CTBP2: variants seen among roughly 807,000 people sequenced by gnomAD.
CTBP2 encodes C-terminal-binding protein 2.
Under a neutral mutation model 80.3 loss-of-function variants are expected in CTBP2, and 30 were observed. The ratio of observed to expected loss-of-function variants is 0.37; its 90% confidence interval spans 0.28 to 0.51. CTBP2 has a LOEUF of 0.51. Among genes scored for constraint, CTBP2 ranks in the 20% least tolerant of loss-of-function variants. The probability of loss-of-function intolerance (pLI) is 0.93; values close to 1 mark genes in which losing one functional copy is unlikely to be tolerated. For synonymous variants in CTBP2, 594 were observed against 587.4 expected, an observed-to-expected ratio of 1.01 and a Z score of -0.16; for missense variants, 1,212 against 1,375.3, an observed-to-expected ratio of 0.88 and a Z score of 1.88.
intron 2 of CTBP2, among the ~76,000 whole-genome samples, chr10:125,084,010 A>T (rs1847589073): frequency 6.6e-6 from 1 of 152,164 alleles, no homozygotes; most frequent in Admixed American, 6.5e-5. Context: ...AGAACTCCTA[A>T]TCTCAAATGA....
At chr10:125,151,511 C>G (rs568262743) in intron 1 of CTBP2, among the ~76,000 whole-genome samples, 2 of 152,342 alleles carry the variant, frequency 1.3e-5, no homozygotes, top group South Asian at 4.1e-4. Context: ...AAACACTGCC[C>G]AGGAGACGAG....
chr10:125,081,729 A>G (rs1847201487), intron 2 of CTBP2, among the ~76,000 whole-genome samples: 1 of 152,158 alleles, frequency 6.6e-6, no homozygotes, highest in Non-Finnish European at 1.5e-5. Flanking sequence ...TAGAATCAAG[A>G]TTGACTGATA....
At chr10:125,151,798 G>A (rs964834888) in intron 1 of CTBP2, among the ~76,000 whole-genome samples, 4 of 152,188 alleles carry the variant, frequency 2.6e-5, no homozygotes, top group Non-Finnish European at 4.4e-5. Context: ...GCGGACCGGA[G>A]AGGGGCCGGC....
chr10:125,147,901 G>GAAA (rs111638054), intron 1 of CTBP2, among the ~76,000 whole-genome samples: 4 of 147,322 alleles, frequency 2.7e-5, no homozygotes, highest in Admixed American at 1.3e-4. Flanking sequence ...CCCATCTCGG[G>GAAA]AAAAAAAAAA....
upstream of CTBP2, among the ~76,000 whole-genome samples, chr10:125,030,433 A>G (rs1035496070): frequency 2.1e-4 from 32 of 152,260 alleles, no homozygotes; most frequent in Non-Finnish European, 3.2e-4. Context: ...ACCTACAGAG[A>G]TCCAGACAAT....
At chr10:125,061,025 C>G (rs775631297) in intron 2 of CTBP2, among the ~76,000 whole-genome samples, 1 of 152,184 alleles carries the variant, frequency 6.6e-6, no homozygotes, top group African/African-American at 2.4e-5. Flanking sequence ...TCCCGGCTCC[C>G]GGCAACCCTC....
intron 1 of CTBP2, among the ~76,000 whole-genome samples, chr10:125,014,819 C>T (rs1475383833): frequency 6.6e-6 from 1 of 152,264 alleles, no homozygotes; most frequent in Non-Finnish European, 1.5e-5. Context: ...GCTCAGAATC[C>T]AGGCTCTCCA....
intron 1 of CTBP2, chr10:125,122,765 A>AG (rs1854551984): frequency 6.6e-6 from 1 of 152,162 alleles, no homozygotes; most frequent in Middle Eastern, 3.2e-3. Flanking sequence ...ACGAGGTAAG[A>AG]GGGGGCTGTC....
At chr10:125,110,475 A>G (rs1852120823) in intron 2 of CTBP2, among the ~76,000 whole-genome samples, 1 of 152,192 alleles carries the variant, frequency 6.6e-6, no homozygotes, top group Non-Finnish European at 1.5e-5. Context: ...CTACTCCGCC[A>G]GAAAAATCAT....
At position 125,073,817 on chromosome 10, in the gene CTBP2, C is replaced by T. The variant is rs138473543; in HGVS notation, c.-101-34662G>A. On this transcript the variant is annotated intron_variant, in intron 2 of 10. Coordinates refer to the CTBP2 transcript ENST00000337195. ...TGCGTGCTGCCCCCCGGAAAGGGTC[C>T]GGACATGGCGACATATGAGAGGGAA... Among the ~76,000 whole-genome samples, 139 of 152,304 alleles carry T rather than the reference C, an allele frequency of 9.1e-4. 1 individual carries two copies. The highest frequency in any genetic ancestry group is 3.0e-3 in the African/African-American group (124 of 41,566).
At chr10:125,074,961 C>A (rs932287355) in intron 2 of CTBP2, among the ~76,000 whole-genome samples, 2 of 152,156 alleles carry the variant, frequency 1.3e-5, no homozygotes, top group African/African-American at 4.8e-5. Context: ...GCCGAGAAAA[C>A]AATAATAGGT....
chr10:125,137,812 T>C (rs955109441), intron 1 of CTBP2, among the ~76,000 whole-genome samples: 5 of 152,186 alleles, frequency 3.3e-5, no homozygotes, highest in African/African-American at 1.2e-4. Flanking sequence ...ACTAATCTTC[T>C]AGCAAACAAA....
intron 1 of CTBP2, chr10:125,026,013 C>T: frequency 6.6e-7 from 1 of 1,513,056 alleles, no homozygotes; most frequent in Non-Finnish European, 8.8e-7. Context: ...TATGTTCAAA[C>T]TTCTACAACC....
At chr10:125,155,104 T>G (rs1228822819) in intron 1 of CTBP2, among the ~76,000 whole-genome samples, 1 of 152,144 alleles carries the variant, frequency 6.6e-6, no homozygotes, top group Admixed American at 6.6e-5. Context: ...TTAAAATCGT[T>G]CCTCAAAAAA....
At chr10:124,996,048 GT>G (rs34886360) in intron 4 of CTBP2, 62,800 of 131,264 alleles carry the variant, frequency 0.48, 16,247 homozygotes, top group Non-Finnish European at 0.58. Flanking sequence ...CTATTTCTTT[GT>G]TTTTTTTTTT....
chr10:125,125,603 A>G (rs1434788334), intron 1 of CTBP2, among the ~76,000 whole-genome samples: 1 of 152,212 alleles, frequency 6.6e-6, no homozygotes, highest in Non-Finnish European at 1.5e-5. Flanking sequence ...TGAGTTAAGC[A>G]TGGGTCATAT....
intron 2 of CTBP2, among the ~76,000 whole-genome samples, chr10:125,045,718 T>C (rs961823789): frequency 6.6e-6 from 1 of 152,154 alleles, no homozygotes; most frequent in Non-Finnish European, 1.5e-5. Flanking sequence ...CTCAAACTCC[T>C]GACTTCAGGT....
At chr10:125,014,619 C>G (rs757922407) in intron 1 of CTBP2, among the ~76,000 whole-genome samples, 1 of 152,264 alleles carries the variant, frequency 6.6e-6, no homozygotes, top group Non-Finnish European at 1.5e-5. Context: ...GGCCCAAATG[C>G]CCTGTGCCTC....
chr10:124,994,012 C>G lies in CTBP2; in HGVS notation c.2401-27G>C, dbSNP rs757879536. ...TGTGGAAGGAAAGAAAAGCCGGTTA[C>G]AGGCACACTGGCATGGTGGAAGACT... On this transcript the variant is annotated intron_variant, in intron 5 of 8. Coordinates refer to ENST00000309035, the MANE Select transcript of CTBP2 (RefSeq NM_022802.3). 6.6e-5 allele frequency: 106 copies of G among 1,613,006 alleles called. No homozygotes were observed. In the Middle Eastern group the frequency reaches 1.3e-3, roughly 20 times the overall value.
Sources: allele counts gnomAD v4.1 joint callset (sites outside exome capture counted in the v4.1 genomes callset), GRCh38; gene constraint gnomAD v4.1.1; transcripts MANE v1.5; gene names NCBI Gene and HGNC (gene_info 2026-07-23, HGNC 2026-07-21).